CSE1L: variants seen among roughly 807,000 people sequenced by gnomAD.
The protein encoded by CSE1L is exportin-2.
Under a neutral mutation model 120.4 loss-of-function variants are expected in CSE1L, and 24 were observed. The ratio of observed to expected loss-of-function variants is 0.20; its 90% CI spans 0.14 to 0.28. The LOEUF is 0.28. Among genes scored for constraint, CSE1L ranks in the 10% least tolerant of loss-of-function variants. CSE1L has a pLI of 1.00. For synonymous variants in CSE1L, 402 were observed against 398.3 expected, an observed-to-expected ratio of 1.01 and a Z score of -0.11; for missense variants, 830 against 1,145.2, an observed-to-expected ratio of 0.72 and a Z score of 3.97.
intron 2 of CSE1L, 71 bp downstream of exon 2, chr20:49,058,619 G>A: frequency 1.7e-6 from 2 of 1,145,100 alleles, no homozygotes; most frequent in Non-Finnish European, 2.5e-6. Context: ...TGTATTATCT[G>A]CCTCCTTATA....
intron 14 of CSE1L, among the ~76,000 whole-genome samples, chr20:49,082,657 T>G (rs1331983060): frequency 6.6e-6 from 1 of 152,156 alleles, no homozygotes; most frequent in African/African-American, 2.4e-5. Flanking sequence ...TAGCTGGGAC[T>G]ACAGGCTACC....
intron 13 of CSE1L, 86 bp downstream of exon 13, chr20:49,077,150 G>GTTATTTT: frequency 2.5e-6 from 1 of 407,838 alleles, no homozygotes; most frequent in Non-Finnish European, 3.8e-6. Flanking sequence ...GTTCCCTTTT[G>GTTATTTT]TTCTTTTTTT....
intron 15 of CSE1L, among the ~76,000 whole-genome samples, chr20:49,084,774 C>A (rs1407850156): frequency 6.6e-6 from 1 of 152,062 alleles, no homozygotes; most frequent in African/African-American, 2.4e-5. Context: ...TTGAAATGAG[C>A]TTTGGGTAAG....
intron 17 of CSE1L, among the ~76,000 whole-genome samples, chr20:49,088,998 G>A (rs756152392): frequency 6.6e-5 from 10 of 151,938 alleles, no homozygotes; most frequent in Non-Finnish European, 1.3e-4. Context: ...AGGGCACGTG[G>A]GCTTAAGACA....
rs1330548438 is a variant in CSE1L, at chr20:49,089,286, G to A, written c.1861G>A (p.Ala621Thr). 1 of 1,607,162 alleles carries A rather than the reference G, an allele frequency of 6.2e-7. No homozygotes were observed. The highest frequency in any genetic ancestry group is 1.7e-5 in the Admixed American group (1 of 58,278). ...TCACTTTAATCACTACATGTTTGAA[G>A]CAATATGTTTATCCATAAGAATAAC... ...KPHFNHYMFE[A>T]ICLSIRITCK... is the part of the protein sequence containing the mutation. The change falls in exon 18 of 25, where the codon GCA becomes ACA. Residue 621 changes from alanine (A) to threonine (T), a missense_variant. Physicochemically the swap from Ala to Thr is moderately conservative, Grantham distance 58. This residue lies in a region of CSE1L where 168 missense variants were observed against 267.9 expected (regional missense o/e 0.63). Transcript: ENST00000262982.
Position 49,075,537 on chromosome 20 carries a change from T to C in CSE1L, c.1335+17T>C, listed in dbSNP as rs1169255239. Reference sequence around the variant, plus strand: ...ACACAGAAGGTAAATATTTTTAATGTGGTTTTGTTTCTAAAACAGACATCA... The same window carrying C: ...ACACAGAAGGTAAATATTTTTAATGCGGTTTTGTTTCTAAAACAGACATCA... On this transcript the variant is annotated intron_variant, in intron 12 of 24. Transcript: ENST00000262982. 8 of 1,608,366 alleles carry C rather than the reference T, an allele frequency of 5.0e-6. No homozygotes were observed. In the Admixed American group the frequency reaches 1.2e-4, roughly 23 times the overall value.
chr20:49,060,545 G>C (rs1474525516), intron 2 of CSE1L, among the ~76,000 whole-genome samples: 1 of 151,984 alleles, frequency 6.6e-6, no homozygotes, highest in Non-Finnish European at 1.5e-5. Context: ...GGAAGCCCAG[G>C]AGGGCAGATC....
chr20:49,058,613 T>C, intron 2 of CSE1L, 65 bp downstream of exon 2: 1 of 1,192,926 alleles, frequency 8.4e-7, no homozygotes, highest in Non-Finnish European at 1.2e-6. Context: ...AACCTATGTA[T>C]TATCTGCCTC....
intron 10 of CSE1L, among the ~76,000 whole-genome samples, chr20:49,073,332 CGACTT>C (rs1190566194): frequency 6.6e-6 from 1 of 151,990 alleles, no homozygotes; most frequent in African/African-American, 2.4e-5. Context: ...TTTAAACAAT[CGACTT>C]GAGAATAGAA....
intron 1 of CSE1L, among the ~76,000 whole-genome samples, chr20:49,051,521 T>A (rs1265446729): frequency 6.6e-6 from 1 of 152,116 alleles, no homozygotes; most frequent in Non-Finnish European, 1.5e-5. Context: ...CCAGCCTGGG[T>A]GACAGAGCAA....
chr20:49,070,648 T>C (rs2091925074), intron 8 of CSE1L, among the ~76,000 whole-genome samples: 1 of 152,230 alleles, frequency 6.6e-6, no homozygotes, highest in African/African-American at 2.4e-5. Flanking sequence ...AAAAATCATC[T>C]GGCTAGGCAT....
chr20:49,060,998 A>C (rs1208527105), intron 2 of CSE1L, among the ~76,000 whole-genome samples: 1 of 152,114 alleles, frequency 6.6e-6, no homozygotes, highest in African/African-American at 2.4e-5. Context: ...AATCATGAAC[A>C]TGTTAATGCA....
At chr20:49,054,026 A>G (rs1182658096) in intron 1 of CSE1L, among the ~76,000 whole-genome samples, 2 of 152,198 alleles carry the variant, frequency 1.3e-5, no homozygotes, top group African/African-American at 2.4e-5. Flanking sequence ...TGAATCTCCA[A>G]AGTGGGGCAG....
chr20:49,063,118 A>G (rs1457132771), intron 2 of CSE1L, 84 bp from the exon 3 acceptor site: 22 of 714,420 alleles, frequency 3.1e-5, no homozygotes, highest in Non-Finnish European at 4.1e-5. Context: ...TCTTTTTTTG[A>G]TTTTTTTTTA....
intron 24 of CSE1L, 43 bp from the exon 25 acceptor site, chr20:49,096,306 C>T (rs764600753): frequency 1.3e-6 from 2 of 1,497,046 alleles, no homozygotes; most frequent in East Asian, 2.3e-5. Flanking sequence ...TATTGGCGCA[C>T]CAAGATCTCC....
At chr20:49,051,306 G>C (rs1047110574) in intron 1 of CSE1L, among the ~76,000 whole-genome samples, 3 of 152,228 alleles carry the variant, frequency 2.0e-5, no homozygotes, top group African/African-American at 7.2e-5. Context: ...AGCACTTTGG[G>C]AGGCTGAGGC....
intron 15 of CSE1L, among the ~76,000 whole-genome samples, 164 bp from the exon 16 acceptor site, chr20:49,085,119 G>T (rs1297444375): frequency 6.6e-6 from 1 of 152,196 alleles, no homozygotes; most frequent in Admixed American, 6.5e-5. Context: ...AGCCTAACAT[G>T]AGCACATGTA....
chr20:49,060,276 G>C (rs2091841634), intron 2 of CSE1L, among the ~76,000 whole-genome samples: 1 of 151,536 alleles, frequency 6.6e-6, no homozygotes, highest in Admixed American at 6.6e-5. Flanking sequence ...GAGGTCAAGA[G>C]ATCTAGACCA....
intron 19 of CSE1L, 74 bp downstream of exon 19, chr20:49,089,820 T>C: frequency 7.2e-7 from 1 of 1,392,142 alleles, no homozygotes; most frequent in East Asian, 2.4e-5. Flanking sequence ...ATGTTTGAAA[T>C]TTTTTTATTT....
Sources: gnomAD v4.1 joint callset for allele counts (sites outside exome capture counted in the v4.1 genomes callset) on GRCh38, gnomAD v4.1.1 for gene constraint, gnomAD v4.1.1 regional missense constraint, MANE v1.5 for transcripts, NCBI Gene and HGNC (gene_info 2026-07-23, HGNC 2026-07-21) for gene names.